Variants in OR2AT4 observed in about 807,000 individuals in gnomAD.
OR2AT4 encodes the protein olfactory receptor 2AT4.
OR2AT4 carries 6 observed loss-of-function variants against 10.3 expected under a neutral mutation model. The ratio of observed to expected loss-of-function variants is 0.58; its 90% CI spans 0.32 to 1.15. The LOEUF (loss-of-function observed/expected upper bound fraction) is 1.15. Ranked by LOEUF, OR2AT4 falls within the 50% of genes most tolerant of loss-of-function variation. The pLI, the probability that OR2AT4 is intolerant of heterozygous loss-of-function variation, is 0.05. For synonymous variants in OR2AT4, 145 were observed against 159.1 expected (o/e 0.91, Z 0.67); for missense variants, 354 against 393.8 (o/e 0.90, Z 0.85).
exon 1 of OR2AT4, chr11:75,096,833 CTGGTCCGCCTTGA>C (rs1382008746): frequency 6.6e-6 from 1 of 152,620 alleles, no homozygotes; most frequent in Non-Finnish European, 1.5e-5. Context: ...CCTACCAATC[CTGGTCCGCCTTGA>C]TGTCTTGTGT....
chr11:75,089,314 G>A (rs2140279211), exon 2 of OR2AT4: 1 of 1,614,166 alleles, frequency 6.2e-7, no homozygotes, highest in Non-Finnish European at 8.5e-7. Flanking sequence ...TAGTGCAGTG[G>A]GTGGCAGATA....
chr11:75,093,810 C>CTTTTTTT (rs556380402), intron 1 of OR2AT4, among the ~76,000 whole-genome samples: 37 of 61,824 alleles, frequency 6.0e-4, no homozygotes, highest in Non-Finnish European at 8.5e-4. Flanking sequence ...TTTTCTTTTT[C>CTTTTTTT]TTTTTTTTTT....
exon 2 of OR2AT4, chr11:75,087,541 T>C (rs1399886629): frequency 6.6e-6 from 1 of 152,250 alleles, no homozygotes; most frequent in African/African-American, 2.4e-5. Context: ...TGAGCCGAGA[T>C]AGCGCCACTG....
At chr11:75,086,408 T>G (rs962453819) in exon 2 of OR2AT4, 3 of 152,168 alleles carry the variant, frequency 2.0e-5, no homozygotes, top group Admixed American at 1.3e-4. Context: ...AGTCATTGAC[T>G]GGGGAAACTA....
In OR2AT4 at chr11:75,089,117, G is replaced by A. The variant is rs773562927; in HGVS notation, c.597C>T (p.Pro199=). The A allele has an allele frequency of 6.2e-6, 10 of 1,613,988 alleles. No individual in the cohort carries two copies. The South Asian group carries it at 8.8e-5, about 14-fold the overall frequency. The change falls in exon 2 of 2, where the codon CCC becomes CCT. Residue 199 remains proline (P), a synonymous_variant. Transcript: ENST00000641504. Reference sequence around the variant, plus strand: ...CGATGCAGAAGCCCATGAGGGTCTGGGGGGTGGTGTCAGAGCAGGAGGCCT... The same window carrying A: ...CGATGCAGAAGCCCATGAGGGTCTGAGGGGTGGTGTCAGAGCAGGAGGCCT...
intron 1 of OR2AT4, among the ~76,000 whole-genome samples, chr11:75,094,453 A>G (rs1949336791): frequency 6.6e-6 from 1 of 152,192 alleles, no homozygotes; most frequent in Admixed American, 6.5e-5. Context: ...ATGTCTTTCT[A>G]AAAGACATAT....
At chr11:75,086,673 C>G (rs145998148) in exon 2 of OR2AT4, 87 of 152,292 alleles carry the variant, frequency 5.7e-4, no homozygotes, top group African/African-American at 2.0e-3. Context: ...TGACATCCCC[C>G]ACCAGAGTGG....
chr11:75,084,966 T>C (rs928111682), exon 2 of OR2AT4: 1 of 152,030 alleles, frequency 6.6e-6, no homozygotes, highest in Non-Finnish European at 1.5e-5. Flanking sequence ...TAATCTCCCA[T>C]GTCAGGAAAT....
intron 1 of OR2AT4, among the ~76,000 whole-genome samples, chr11:75,094,537 C>T (rs763693527): frequency 2.6e-5 from 4 of 152,042 alleles, no homozygotes; most frequent in African/African-American, 9.7e-5. Flanking sequence ...TGCTTGAGAC[C>T]AGGAGTTTGA....
At chr11:75,088,577 A>T in exon 2 of OR2AT4, 2 of 605,616 alleles carry the variant, frequency 3.3e-6, no homozygotes, top group South Asian at 8.2e-5. Context: ...TGCCATGAAG[A>T]TTTTTTTTTT....
exon 2 of OR2AT4, chr11:75,089,554 C>T (rs538768753): frequency 1.6e-5 from 26 of 1,613,856 alleles, no homozygotes; most frequent in African/African-American, 8.0e-5. Context: ...TCTGCCACCA[C>T]GGCCACCAGG....
At chr11:75,091,846 G>C (rs529130752) in intron 1 of OR2AT4, among the ~76,000 whole-genome samples, 36 of 152,292 alleles carry the variant, frequency 2.4e-4, no homozygotes, top group African/African-American at 8.4e-4. Flanking sequence ...GTTTACGAAA[G>C]TTTATTGAAT....
exon 2 of OR2AT4, chr11:75,088,477 A>C (rs1199734695): frequency 3.8e-6 from 1 of 261,930 alleles, no homozygotes; most frequent in Non-Finnish European, 7.1e-6. Context: ...GTTTATTTCA[A>C]TCTTCTACAT....
exon 2 of OR2AT4, chr11:75,088,973 G>C (rs750974991): frequency 6.2e-7 from 1 of 1,614,204 alleles, no homozygotes; most frequent in African/African-American, 1.3e-5. Flanking sequence ...GAAGGTGGGA[G>C]CTGCAGGTGG....
At chr11:75,088,477 A>G in exon 2 of OR2AT4, 1 of 262,048 alleles carries the variant, frequency 3.8e-6, no homozygotes, top group Non-Finnish European at 7.1e-6. Flanking sequence ...GTTTATTTCA[A>G]TCTTCTACAT....
exon 2 of OR2AT4, chr11:75,084,487 C>T (rs1443852814): frequency 6.6e-6 from 1 of 152,136 alleles, no homozygotes; most frequent in African/African-American, 2.4e-5. Context: ...AAGGTCTAAA[C>T]AGCACTATCA....
exon 2 of OR2AT4, chr11:75,082,496 G>A (rs1949271348): frequency 6.6e-6 from 1 of 152,022 alleles, no homozygotes; most frequent in Non-Finnish European, 1.5e-5. Flanking sequence ...TAGCTGGCTA[G>A]CCATATGCAG....
intron 1 of OR2AT4, among the ~76,000 whole-genome samples, chr11:75,093,854 C>T: frequency 9.0e-6 from 1 of 110,678 alleles, no homozygotes; most frequent in South Asian, 3.1e-4. Flanking sequence ...CAGAGTCTTG[C>T]TCTGCCACCC....
chr11:75,082,931 T>C (rs1272467801), exon 2 of OR2AT4: 2 of 151,990 alleles, frequency 1.3e-5, no homozygotes, highest in African/African-American at 4.8e-5. Context: ...ATTTAAAAAT[T>C]AGCCAGGTGT....
Sources: gnomAD v4.1 joint callset for allele counts (sites outside exome capture counted in the v4.1 genomes callset) on GRCh38, gnomAD v4.1.1 for gene constraint, MANE v1.5 for transcripts, NCBI Gene and HGNC (gene_info 2026-07-23, HGNC 2026-07-21) for gene names.